NCALD: variants seen among roughly 807,000 people sequenced by gnomAD.
NCALD encodes the protein neurocalcin-delta.
Under a neutral mutation model 18.6 loss-of-function variants are expected in NCALD, and 10 were observed. The observed-to-expected ratio is 0.54, with a 90% confidence interval of 0.33 to 0.91. The LOEUF (loss-of-function observed/expected upper bound fraction) is 0.91. Ranked by LOEUF, NCALD falls within the 40% of genes least tolerant of loss-of-function variation. The probability of loss-of-function intolerance (pLI) is 0.03; values close to 1 mark genes in which losing one functional copy is unlikely to be tolerated. For missense variants in NCALD, 184 were observed against 247.6 expected, an observed-to-expected ratio of 0.74 and a Z score of 1.72; for synonymous variants, 88 against 87.4, an observed-to-expected ratio of 1.01 and a Z score of -0.04.
At chr8:101,855,098 G>A (rs749780860) in intron 4 of NCALD, among the ~76,000 whole-genome samples, 2 of 152,124 alleles carry the variant, frequency 1.3e-5, no homozygotes, top group East Asian at 1.9e-4. Flanking sequence ...GAGAAGACAC[G>A]TGGAAACAAG....
At chr8:101,792,069 G>A (rs1353146716), upstream of NCALD, among the ~76,000 whole-genome samples, 2 of 152,102 alleles carry the variant, frequency 1.3e-5, no homozygotes, top group Non-Finnish European at 2.9e-5. Context: ...GAAAATGTAT[G>A]CCCAAACAAA....
At chr8:102,048,345 T>C (rs997331180) in intron 1 of NCALD, among the ~76,000 whole-genome samples, 1 of 152,212 alleles carries the variant, frequency 6.6e-6, no homozygotes, top group Non-Finnish European at 1.5e-5. Flanking sequence ...ACTCACCTTT[T>C]GATAGCATAT....
intron 4 of NCALD, among the ~76,000 whole-genome samples, chr8:101,819,302 T>G (rs1813626481): frequency 6.6e-6 from 1 of 150,618 alleles, no homozygotes; most frequent in African/African-American, 2.5e-5. Flanking sequence ...TTTATTTATT[T>G]ATTGTTCTTA....
At chr8:102,121,940 TTTTG>T (rs1369049319) in intron 1 of NCALD, among the ~76,000 whole-genome samples, 1 of 152,224 alleles carries the variant, frequency 6.6e-6, no homozygotes, top group African/African-American at 2.4e-5. Context: ...AAGGACTGGA[TTTTG>T]TTTGACTGAT....
intron 4 of NCALD, among the ~76,000 whole-genome samples, chr8:101,840,647 A>G (rs138996773): frequency 2.0e-5 from 3 of 152,200 alleles, no homozygotes; most frequent in Non-Finnish European, 4.4e-5. Context: ...GACAAGCTAC[A>G]TATTTGCAAA....
intron 2 of NCALD, among the ~76,000 whole-genome samples, chr8:102,000,801 A>C (rs1300000999): frequency 2.0e-5 from 3 of 152,232 alleles, no homozygotes; most frequent in African/African-American, 7.2e-5. Flanking sequence ...TCCAACAGAC[A>C]TGCAGCTGAG....
chr8:101,730,075 A>T (rs1816748027), intron 1 of NCALD, among the ~76,000 whole-genome samples: 1 of 152,220 alleles, frequency 6.6e-6, no homozygotes, highest in Non-Finnish European at 1.5e-5. Context: ...GACACTATTA[A>T]CAGTTTAAAT....
intron 1 of NCALD, among the ~76,000 whole-genome samples, chr8:102,094,014 C>A (rs1232015305): frequency 6.6e-6 from 1 of 152,062 alleles, no homozygotes; most frequent in Non-Finnish European, 1.5e-5. Flanking sequence ...ATAAATGAGC[C>A]AGGGTATTTG....
At chr8:101,797,484 G>A (rs923730574) in intron 4 of NCALD, among the ~76,000 whole-genome samples, 12 of 152,160 alleles carry the variant, frequency 7.9e-5, no homozygotes, top group African/African-American at 2.9e-4. Context: ...AGGAAAAAGT[G>A]CAAATTTTTT....
At chr8:102,060,189 G>C (rs1253870577) in intron 1 of NCALD, among the ~76,000 whole-genome samples, 3 of 150,998 alleles carry the variant, frequency 2.0e-5, no homozygotes, top group African/African-American at 7.4e-5. Context: ...CACTGTGTTA[G>C]CCAGGATGGT....
chr8:101,762,596 T>A (rs995279559), intron 1 of NCALD, among the ~76,000 whole-genome samples: 2 of 151,752 alleles, frequency 1.3e-5, no homozygotes, highest in Non-Finnish European at 2.9e-5. Context: ...GTCTACTTTT[T>A]TTTTTTTTTT....
intron 1 of NCALD, among the ~76,000 whole-genome samples, chr8:101,744,134 T>C (rs1810328650): frequency 6.6e-6 from 1 of 152,248 alleles, no homozygotes; most frequent in Non-Finnish European, 1.5e-5. Flanking sequence ...CCTTTCTCCC[T>C]TCCTCAGCTC....
chr8:102,091,620 A>C (rs1350006137), intron 1 of NCALD, among the ~76,000 whole-genome samples: 2 of 152,234 alleles, frequency 1.3e-5, no homozygotes, highest in African/African-American at 4.8e-5. Context: ...ATTTTGCCTT[A>C]CTGTTGTAGA....
At chr8:101,779,312 G>T (rs1586481008) in intron 1 of NCALD, among the ~76,000 whole-genome samples, 1 of 152,226 alleles carries the variant, frequency 6.6e-6, no homozygotes, top group East Asian at 1.9e-4. Context: ...AGCACAGAGG[G>T]CTTAGTAGAG....
At chr8:101,795,850 G>A (rs1282003984), upstream of NCALD, among the ~76,000 whole-genome samples, 2 of 152,076 alleles carry the variant, frequency 1.3e-5, no homozygotes, top group Non-Finnish European at 2.9e-5. Flanking sequence ...TAGACAGAGA[G>A]AAAAAAATGG....
chr8:101,736,372 G>A (rs900283724), intron 1 of NCALD, among the ~76,000 whole-genome samples: 3 of 152,196 alleles, frequency 2.0e-5, no homozygotes, highest in African/African-American at 7.2e-5. Context: ...GTTTATTCAT[G>A]TCTCAGCAAC....
chr8:102,120,981 A>G (rs1175066537), intron 1 of NCALD, among the ~76,000 whole-genome samples: 1 of 152,204 alleles, frequency 6.6e-6, no homozygotes, highest in African/African-American at 2.4e-5. Context: ...CCCTAATCCC[A>G]TTCCCTAGCA....
chr8:101,876,857 A>G (rs1816249332), intron 4 of NCALD, among the ~76,000 whole-genome samples: 1 of 152,244 alleles, frequency 6.6e-6, no homozygotes, highest in South Asian at 2.1e-4. Flanking sequence ...CTACATTTTG[A>G]TACCAATGAG....
chr8:101,747,832 C>T (rs558095203), intron 1 of NCALD, among the ~76,000 whole-genome samples: 17 of 152,116 alleles, frequency 1.1e-4, no homozygotes, highest in African/African-American at 4.1e-4. Context: ...ATTCTCCTGC[C>T]TCAGCCTCCT....
Sources: allele counts gnomAD v4.1 joint callset (sites outside exome capture counted in the v4.1 genomes callset), GRCh38; gene constraint gnomAD v4.1.1; transcripts MANE v1.5; gene names NCBI Gene and HGNC (gene_info 2026-07-23, HGNC 2026-07-21).